The following HACD2 variants were observed in gnomAD, a reference collection of about 807,000 sequenced individuals.
The protein encoded by HACD2 is very-long-chain (3R)-3-hydroxyacyl-CoA dehydratase 2.
HACD2 carries 15 observed loss-of-function variants against 31.0 expected under a neutral mutation model. The ratio of observed to expected loss-of-function variants is 0.48; its 90% CI spans 0.32 to 0.75. The LOEUF (loss-of-function observed/expected upper bound fraction) is 0.75. Among genes scored for constraint, HACD2 ranks in the 30% least tolerant of loss-of-function variants. The pLI, the probability that HACD2 is intolerant of heterozygous loss-of-function variation, is 0.03. For missense variants in HACD2, 283 were observed against 313.0 expected (o/e 0.90, Z 0.72); for synonymous variants, 115 against 122.2 (o/e 0.94, Z 0.39).
intron 3 of HACD2, among the ~76,000 whole-genome samples, chr3:123,537,396 A>T (rs2056438887): frequency 6.6e-6 from 1 of 152,122 alleles, no homozygotes; most frequent in Non-Finnish European, 1.5e-5. Context: ...GAGACTCCAC[A>T]TCTACAAAAA....
chr3:123,493,374 A>AT lies in HACD2; in HGVS notation c.*1513_*1514insA. The AT allele has an allele frequency of 6.6e-6, 1 of 152,328 alleles. No homozygotes were observed. The highest frequency in any genetic ancestry group is 2.1e-4 in the South Asian group (1 of 4,826). The allele number at this position is 152,328 out of a possible 1,614,324, so 9.4% of individuals were successfully genotyped here. ...CCGTCTCAAGAGAAAAAAAAAATTT[A>AT]GTTTTCCAGTATGAGTTTTCTGATA... is the stretch of plus-strand genomic sequence containing the variant. On this transcript the variant is annotated 3_prime_UTR_variant, in exon 7 of 7. Coordinates refer to ENST00000383657, the MANE Select transcript of HACD2 (RefSeq NM_198402.5).
chr3:123,546,926 TA>T (rs746504080), intron 3 of HACD2, among the ~76,000 whole-genome samples: 9 of 152,166 alleles, frequency 5.9e-5, no homozygotes, highest in Non-Finnish European at 1.2e-4. Context: ...TTTTTTCTGG[TA>T]AACAATCTTC....
chr3:123,529,315 T>C (rs1425219725), intron 3 of HACD2, among the ~76,000 whole-genome samples: 3 of 152,214 alleles, frequency 2.0e-5, no homozygotes, highest in African/African-American at 7.2e-5. Flanking sequence ...TTGGCCAGGC[T>C]GGTCTTGAAC....
At chr3:123,573,366 A>G (rs993857638) in intron 2 of HACD2, among the ~76,000 whole-genome samples, 9 of 152,156 alleles carry the variant, frequency 5.9e-5, no homozygotes, top group Non-Finnish European at 1.3e-4. Context: ...GGTTTCTATA[A>G]GGATGGATTT....
intron 3 of HACD2, among the ~76,000 whole-genome samples, chr3:123,542,762 A>G (rs952919060): frequency 1.3e-5 from 2 of 152,252 alleles, no homozygotes; most frequent in Non-Finnish European, 1.5e-5. Context: ...ATACAAGATG[A>G]GCCGAAACAT....
chr3:123,507,817 G>A (rs2107686303), intron 4 of HACD2, among the ~76,000 whole-genome samples: 1 of 152,286 alleles, frequency 6.6e-6, no homozygotes, highest in East Asian at 1.9e-4. Context: ...GGTGATGGTT[G>A]CACAGCTTGG....
rs1224295994 is a variant in HACD2 at position 123,572,392 on chromosome 3, T to C, written c.274-4612A>G. 4.6e-5 allele frequency among the ~76,000 whole-genome samples: 7 copies of C among 152,212 alleles called. No homozygotes were observed. In the East Asian group the frequency reaches 9.7e-4, roughly 21 times the overall value. On this transcript the variant is annotated intron_variant, in intron 2 of 6. Coordinates refer to ENST00000383657, the MANE Select transcript of HACD2 (RefSeq NM_198402.5). ...GCCTGGTGGCATGTGCCTGTAGTCC[T>C]AGCTACTTGGAAGGCTGAGGCAGGA...
At chr3:123,563,583 G>A (rs745649291) in intron 3 of HACD2, among the ~76,000 whole-genome samples, 9 of 152,104 alleles carry the variant, frequency 5.9e-5, no homozygotes, top group Non-Finnish European at 1.3e-4. Context: ...GCTTAGTGCT[G>A]TGTGAACTTT....
intron 4 of HACD2, among the ~76,000 whole-genome samples, chr3:123,511,432 T>A (rs377012393): frequency 1.3e-5 from 2 of 152,248 alleles, no homozygotes. Context: ...AGGAACCCTA[T>A]ACAAGAAGAG....
intron 3 of HACD2, among the ~76,000 whole-genome samples, chr3:123,552,569 GA>G (rs1318536177): frequency 6.6e-6 from 1 of 152,028 alleles, no homozygotes; most frequent in Non-Finnish European, 1.5e-5. Context: ...ATTTTCAGGA[GA>G]AAATAGAAAA....
intron 3 of HACD2, among the ~76,000 whole-genome samples, chr3:123,530,523 C>T (rs761100663): frequency 1.3e-5 from 2 of 152,018 alleles, no homozygotes; most frequent in Non-Finnish European, 2.9e-5. Context: ...GTTCTCCTGC[C>T]TCCGCCTCCC....
chr3:123,543,691 T>C (rs1220364617), intron 3 of HACD2: 3 of 423,256 alleles, frequency 7.1e-6, no homozygotes, highest in Non-Finnish European at 1.4e-5. Flanking sequence ...ATCCAAATGA[T>C]AGCCACTCGA....
Position 123,560,258 on chromosome 3 carries a change from T to C in HACD2, c.292+7504A>G, listed in dbSNP as rs1224897429. On this transcript the variant is annotated intron_variant, in intron 3 of 6. Transcript: ENST00000383657. Reference sequence around the variant, plus strand: ...GGGAGGCTACTAAGCTGGTCTGGTCTGAAGCGCTTAACTGATTTGGGAAAG... The same window carrying C: ...GGGAGGCTACTAAGCTGGTCTGGTCCGAAGCGCTTAACTGATTTGGGAAAG... Among the ~76,000 whole-genome samples, 4 of 152,230 alleles carry C rather than the reference T, an allele frequency of 2.6e-5. No individual in the cohort carries two copies. The East Asian group carries it at 7.7e-4, about 29-fold the overall frequency.
At chr3:123,510,653 A>G (rs1318261416) in intron 4 of HACD2, among the ~76,000 whole-genome samples, 1 of 152,180 alleles carries the variant, frequency 6.6e-6, no homozygotes, top group Non-Finnish European at 1.5e-5. Context: ...TATATACTAC[A>G]TTTTATCATT....
At chr3:123,543,550 T>C (rs1223547150) in intron 3 of HACD2, 5 of 218,796 alleles carry the variant, frequency 2.3e-5, no homozygotes. Flanking sequence ...CATACCCTTT[T>C]ATAGCTTTTG....
chr3:123,541,855 A>T (rs2056494179), intron 3 of HACD2, among the ~76,000 whole-genome samples: 3 of 152,226 alleles, frequency 2.0e-5, no homozygotes, highest in Admixed American at 1.3e-4. Context: ...TGCAACCAAT[A>T]TGACAACAGA....
intron 3 of HACD2, among the ~76,000 whole-genome samples, chr3:123,545,805 G>C (rs1283647208): frequency 6.6e-6 from 1 of 150,604 alleles, no homozygotes; most frequent in East Asian, 2.0e-4. Context: ...TCCACCTCCT[G>C]AGTTCAAGTG....
rs190462495 is a variant in HACD2 at position 123,541,145 on chromosome 3, C to T, written c.293-12671G>A. Among the ~76,000 whole-genome samples, 3 of 152,148 alleles carry T rather than the reference C, an allele frequency of 2.0e-5. No homozygotes were observed. The East Asian group carries it at 5.8e-4, about 29-fold the overall frequency. On this transcript the variant is annotated intron_variant, in intron 3 of 6. Transcript: ENST00000383657. ...AATTAGCCGGGTGTGGTGGTACGCA[C>T]CTGTAATCCTAGCTACTCAGGAGGC...
At chr3:123,506,997 C>T (rs2055984560) in intron 4 of HACD2, among the ~76,000 whole-genome samples, 1 of 152,270 alleles carries the variant, frequency 6.6e-6, no homozygotes, top group East Asian at 1.9e-4. Context: ...GTGGCTCTTG[C>T]CTATAATCCC....
Sources: gnomAD v4.1 joint callset for allele counts (sites outside exome capture counted in the v4.1 genomes callset) on GRCh38, gnomAD v4.1.1 for gene constraint, MANE v1.5 for transcripts, NCBI Gene and HGNC (gene_info 2026-07-23, HGNC 2026-07-21) for gene names.